The following NTM variants were observed in gnomAD, a reference collection of about 807,000 sequenced individuals.
NTM encodes the protein IgLON family member 2.
NTM carries 13 observed loss-of-function variants against 42.1 expected under a neutral mutation model. That is an observed-to-expected ratio of 0.31 (90% CI 0.20 to 0.49). The LOEUF is 0.49. NTM is among the 20% of genes least tolerant of loss of function. The pLI is 0.99. For missense variants in NTM, 373 were observed against 452.8 expected (o/e 0.82, Z 1.60); for synonymous variants, 187 against 179.2 (o/e 1.04, Z -0.35).
intron 3 of NTM, among the ~76,000 whole-genome samples, chr11:132,162,465 ATGTT>A (rs2074500537): frequency 9.2e-6 from 1 of 108,516 alleles, no homozygotes; most frequent in Non-Finnish European, 1.8e-5. Flanking sequence ...GTGCTTGTGT[ATGTT>A]TGTGTGGGAA....
chr11:131,623,974 G>A (rs1228585236), intron 1 of NTM, among the ~76,000 whole-genome samples: 1 of 152,198 alleles, frequency 6.6e-6, no homozygotes, highest in East Asian at 1.9e-4. Flanking sequence ...AAAGGCAGTT[G>A]CTCTGACCGA....
At chr11:132,186,744 G>GT (rs1278509159) in intron 3 of NTM, among the ~76,000 whole-genome samples, 1 of 152,134 alleles carries the variant, frequency 6.6e-6, no homozygotes, top group African/African-American at 2.4e-5. Flanking sequence ...AATAATTTCA[G>GT]TTTTATAAAT....
At chr11:131,890,826 C>A (rs901272160) in intron 1 of NTM, among the ~76,000 whole-genome samples, 1 of 152,164 alleles carries the variant, frequency 6.6e-6, no homozygotes, top group African/African-American at 2.4e-5. Flanking sequence ...GGATCCCCTA[C>A]TCATTGTCTG....
At chr11:131,877,287 C>T (rs2048679078) in intron 1 of NTM, among the ~76,000 whole-genome samples, 1 of 152,210 alleles carries the variant, frequency 6.6e-6, no homozygotes, top group African/African-American at 2.4e-5. Flanking sequence ...TTGTTCAGTG[C>T]CACCTGCCAG....
intron 2 of NTM, among the ~76,000 whole-genome samples, chr11:132,033,186 A>C (rs1461266999): frequency 6.6e-6 from 1 of 152,204 alleles, no homozygotes; most frequent in African/African-American, 2.4e-5. Context: ...CATGATTGAC[A>C]TGAGTTCTGA....
chr11:132,331,724 T>C (rs1190339314), intron 8 of NTM, among the ~76,000 whole-genome samples: 5 of 151,926 alleles, frequency 3.3e-5, no homozygotes, highest in African/African-American at 9.7e-5. Context: ...ATTTTACTAG[T>C]GGGATGTGTA....
intron 2 of NTM, among the ~76,000 whole-genome samples, chr11:132,086,705 A>G (rs946307640): frequency 7.2e-5 from 11 of 152,236 alleles, no homozygotes; most frequent in African/African-American, 2.7e-4. Context: ...AAATATAAAC[A>G]GTGATCCTTA....
chr11:131,778,200 C>A (rs991460518), intron 1 of NTM, among the ~76,000 whole-genome samples: 1 of 152,214 alleles, frequency 6.6e-6, no homozygotes, highest in Non-Finnish European at 1.5e-5. Context: ...AACATGCAAC[C>A]TCTACATGTA....
chr11:132,134,705 GTATATATATATATATATA>G (rs57297229), intron 2 of NTM, among the ~76,000 whole-genome samples: 1,360 of 75,936 alleles, frequency 0.018, 147 homozygotes, highest in Non-Finnish European at 0.028. Flanking sequence ...GTATTCCATG[GTATATATATATATATATA>G]TATATATATA....
At position 131,654,399 on chromosome 11, in the gene NTM, C is replaced by T. The variant is rs146890791; in HGVS notation, c.83-257165C>T. On this transcript the variant is annotated intron_variant, in intron 1 of 8. Transcript: ENST00000683400. ...GAGGGGACCTCACGGCCACAAGAAC[C>T]GCAGTTGTATTGAAAAGCAACTCGT... is the stretch of plus-strand genomic sequence containing the variant. 1.1e-3 allele frequency among the ~76,000 whole-genome samples: 167 copies of T among 152,142 alleles called. 1 individual carries two copies. In the East Asian group the frequency reaches 0.026, roughly 23 times the overall value.
intron 4 of NTM, among the ~76,000 whole-genome samples, chr11:132,221,383 C>A (rs183243143): frequency 4.0e-4 from 61 of 152,266 alleles, no homozygotes; most frequent in Admixed American, 1.5e-3. Flanking sequence ...ATATGTTTTT[C>A]CATTTGAATG....
At chr11:131,673,913 ACT>A (rs773145975) in intron 1 of NTM, among the ~76,000 whole-genome samples, 4 of 152,150 alleles carry the variant, frequency 2.6e-5, no homozygotes, top group African/African-American at 4.8e-5. Context: ...TTGGTGTCAG[ACT>A]CTGATGGGTT....
chr11:131,893,479 G>A (rs774464394), intron 1 of NTM, among the ~76,000 whole-genome samples: 5 of 152,130 alleles, frequency 3.3e-5, no homozygotes, highest in Admixed American at 6.5e-5. Context: ...TATTCTTGGT[G>A]CATTAACAGG....
intron 1 of NTM, among the ~76,000 whole-genome samples, chr11:131,699,521 C>T (rs1276464399): frequency 6.6e-6 from 1 of 152,112 alleles, no homozygotes; most frequent in Non-Finnish European, 1.5e-5. Context: ...CAGGAGAACT[C>T]CTCCAGGATC....
At chr11:131,787,730 C>T (rs2089505731) in intron 1 of NTM, among the ~76,000 whole-genome samples, 2 of 152,058 alleles carry the variant, frequency 1.3e-5, no homozygotes, top group African/African-American at 4.8e-5. Context: ...TTTTCTATGC[C>T]ATGGGATAGT....
At chr11:131,955,884 T>C (rs1408282937) in intron 2 of NTM, among the ~76,000 whole-genome samples, 1 of 152,244 alleles carries the variant, frequency 6.6e-6, no homozygotes, top group Non-Finnish European at 1.5e-5. Flanking sequence ...CACTCTGTGA[T>C]GTCCAAGATT....
intron 2 of NTM, among the ~76,000 whole-genome samples, chr11:131,971,568 G>A (rs12269724): frequency 0.037 from 5,697 of 152,086 alleles, 171 homozygotes; most frequent in Non-Finnish European, 0.054. Flanking sequence ...CTTCATTTGC[G>A]GTATAGTGAT....
chr11:132,322,388 GA>G (rs1247374874), intron 7 of NTM, among the ~76,000 whole-genome samples: 1 of 147,394 alleles, frequency 6.8e-6, no homozygotes, highest in East Asian at 2.0e-4. Context: ...CCTAGTCTCT[GA>G]TAAAACAGAC....
intron 1 of NTM, among the ~76,000 whole-genome samples, chr11:131,870,986 A>G (rs2047718014): frequency 6.6e-6 from 1 of 152,230 alleles, no homozygotes; most frequent in Admixed American, 6.5e-5. Context: ...TAACCTAAAT[A>G]CAGAATCTAC....
Sources: allele counts gnomAD v4.1 joint callset (sites outside exome capture counted in the v4.1 genomes callset), GRCh38; gene constraint gnomAD v4.1.1; transcripts MANE v1.5; gene names NCBI Gene and HGNC (gene_info 2026-07-23, HGNC 2026-07-21).